Variants in AGAP1 observed in about 807,000 individuals in gnomAD.
AGAP1 encodes ArfGAP with GTPase domain, ankyrin repeat and PH domain 1, also known as arf-GAP with GTPase, ANK repeat and PH domain-containing protein 1.
A neutral mutation model predicts 105.3 loss-of-function variants in AGAP1; 29 were observed. That is an observed-to-expected ratio of 0.28 (90% CI 0.21 to 0.38). The LOEUF (loss-of-function observed/expected upper bound fraction) is 0.38. AGAP1 is among the 10% of genes least tolerant of loss of function. The pLI, the probability that AGAP1 is intolerant of heterozygous loss-of-function variation, is 1.00. For synonymous variants in AGAP1, 509 were observed against 485.9 expected (o/e 1.05, Z -0.63); for missense variants, 998 against 1,165.1 (o/e 0.86, Z 2.09).
At chr2:235,687,913 T>TTA (rs60775568) in intron 1 of AGAP1, among the ~76,000 whole-genome samples, 2,596 of 144,838 alleles carry the variant, frequency 0.018, 79 homozygotes, top group African/African-American at 0.064. Context: ...TTTTTTTTTT[T>TTA]TTTTTTGAGA....
chr2:235,686,653 ATATATATATATATT>A (rs1559351060), intron 1 of AGAP1, among the ~76,000 whole-genome samples: 5 of 59,066 alleles, frequency 8.5e-5, no homozygotes, highest in African/African-American at 5.5e-4. Flanking sequence ...ATAGATATAT[ATATATATATATATT>A]TTTTTTTTTT....
At chr2:235,791,940 A>G (rs1223201132) in intron 6 of AGAP1, among the ~76,000 whole-genome samples, 1 of 152,214 alleles carries the variant, frequency 6.6e-6, no homozygotes, top group African/African-American at 2.4e-5. Context: ...TCAGCTGCAT[A>G]AATTTTGCTT....
intron 6 of AGAP1, among the ~76,000 whole-genome samples, chr2:235,768,759 C>T (rs1412198477): frequency 2.0e-5 from 3 of 152,178 alleles, no homozygotes; most frequent in East Asian, 3.9e-4. Context: ...GCACAGCCGC[C>T]GTGGGATGAA....
At chr2:235,940,799 A>T (rs1002687062) in intron 12 of AGAP1, among the ~76,000 whole-genome samples, 1 of 152,082 alleles carries the variant, frequency 6.6e-6, no homozygotes, top group African/African-American at 2.4e-5. Flanking sequence ...TAACTCCACC[A>T]CAGAGAGGGG....
At chr2:235,755,173 T>A (rs1429094604) in intron 6 of AGAP1, among the ~76,000 whole-genome samples, 1 of 152,202 alleles carries the variant, frequency 6.6e-6, no homozygotes, top group African/African-American at 2.4e-5. Context: ...TGCACAGGGC[T>A]CTCGTTCCTA....
Position 236,125,287 on chromosome 2 carries a change from CTT to C in AGAP1, c.*1166_*1167del, listed in dbSNP as rs1193830397. ...TTTTGTACAGACAAATGGCACCTCT[CTT>C]AATTTATAAATTGAACTGGATGTGA... is the stretch of plus-strand genomic sequence containing the variant. On this transcript the variant is annotated 3_prime_UTR_variant, in exon 18 of 18. Transcript: ENST00000304032. The surrounding 1 kb of genome is among the most constrained non-coding windows in gnomAD (Gnocchi z 5.2). 2.0e-5 allele frequency: 3 copies of C among 152,796 alleles called. No individual in the cohort carries two copies. Among genetic ancestry groups the C allele is most frequent in the South Asian group, 2.1e-4 (1 of 4,822 alleles). The allele number at this position is 152,796 out of a possible 1,614,324, so 9.5% of individuals were successfully genotyped here.
rs952537589 is a variant in AGAP1 at position 235,608,666 on chromosome 2, G to T, written c.164-100513G>T. 6.6e-6 allele frequency among the ~76,000 whole-genome samples: 1 copy of T among 152,178 alleles called. No individual in the cohort carries two copies. The highest frequency in any genetic ancestry group is 2.4e-5 in the African/African-American group (1 of 41,436). Reference sequence around the variant, plus strand: ...ACAGTGGAGCCAAGAGAGGAACGAGGTCTCTGGATTCCGGACGCCCTGCTG... The same window carrying T: ...ACAGTGGAGCCAAGAGAGGAACGAGTTCTCTGGATTCCGGACGCCCTGCTG... On this transcript the variant is annotated intron_variant, in intron 1 of 17. Coordinates refer to ENST00000304032, the MANE Select transcript of AGAP1 (RefSeq NM_001037131.3). This position sits in a 1 kb window ranked among gnomAD's most constrained non-coding sequence, Gnocchi z 5.4.
intron 9 of AGAP1, among the ~76,000 whole-genome samples, chr2:235,854,370 C>G (rs1043861745): frequency 2.6e-5 from 4 of 152,240 alleles, no homozygotes; most frequent in Non-Finnish European, 4.4e-5. Flanking sequence ...CTCTCCTTCC[C>G]TCTTTTTCTC....
chr2:236,062,251 A>C lies in AGAP1; in HGVS notation c.2114+12970A>C, dbSNP rs1194112079. ...CTCTTGGAATCCGCACAGCAAACCA[A>C]TGCCATTCTTTCCTTTTCCTGGGCT... On this transcript the variant is annotated intron_variant, in intron 16 of 17. Transcript: ENST00000304032. The surrounding 1 kb of genome is among the most constrained non-coding windows in gnomAD (Gnocchi z 4.2). Among the ~76,000 whole-genome samples the C allele has an allele frequency of 1.3e-5, 2 of 152,080 alleles. No homozygotes were observed. The highest frequency in any genetic ancestry group is 4.8e-5 in the African/African-American group (2 of 41,418).
intron 1 of AGAP1, among the ~76,000 whole-genome samples, chr2:235,680,474 T>G (rs1015873224): frequency 8.6e-5 from 13 of 152,026 alleles, no homozygotes; most frequent in Non-Finnish European, 1.5e-4. Context: ...ACTTGATGTG[T>G]GTGATCCCCC....
At chr2:235,987,984 GA>G (rs2055393201) in intron 13 of AGAP1, among the ~76,000 whole-genome samples, 1 of 152,148 alleles carries the variant, frequency 6.6e-6, no homozygotes, top group African/African-American at 2.4e-5. Flanking sequence ...AAATCAAACC[GA>G]AAGTATGCAG....
rs1961027119 is a variant in AGAP1 at position 235,842,888 on chromosome 2, C to T, written c.1050+35557C>T. Reference sequence around the variant, plus strand: ...GATTATAGGCATGTGCCACCATGCCCAGCTAATTTTGTATTTTTGGTAGAG... The same window carrying T: ...GATTATAGGCATGTGCCACCATGCCTAGCTAATTTTGTATTTTTGGTAGAG... On this transcript the variant is annotated intron_variant, in intron 9 of 17. Coordinates refer to ENST00000304032, the MANE Select transcript of AGAP1 (RefSeq NM_001037131.3). The surrounding 1 kb of genome is among the most constrained non-coding windows in gnomAD (Gnocchi z 5.3). Among the ~76,000 whole-genome samples, 1 of 152,082 alleles carries T rather than the reference C, an allele frequency of 6.6e-6. No individual in the cohort carries two copies. Among genetic ancestry groups the T allele is most frequent in the South Asian group, 2.1e-4 (1 of 4,826 alleles).
At chr2:236,071,431 G>C (rs1275071930) in intron 16 of AGAP1, among the ~76,000 whole-genome samples, 1 of 152,168 alleles carries the variant, frequency 6.6e-6, no homozygotes, top group East Asian at 1.9e-4. Flanking sequence ...GTGAGGACCT[G>C]GCTTGGGGTG....
In AGAP1 at chr2:235,994,032, G is replaced by A. The variant is rs1273352731; in HGVS notation, c.1645+25409G>A. Among the ~76,000 whole-genome samples, 3 of 152,056 alleles carry A rather than the reference G, an allele frequency of 2.0e-5. No individual in the cohort carries two copies. The highest frequency in any genetic ancestry group is 4.4e-5 in the Non-Finnish European group (3 of 68,016). On this transcript the variant is annotated intron_variant, in intron 13 of 17. Coordinates refer to ENST00000304032, the MANE Select transcript of AGAP1 (RefSeq NM_001037131.3). The surrounding 1 kb of genome is among the most constrained non-coding windows in gnomAD (Gnocchi z 4.4). ...CGATGACCCATAAGCCTGCTCCACA[G>A]GATGGCTGTAGCACAGACACCTTCC...
chr2:235,709,897 C>T (rs537730217), intron 2 of AGAP1, among the ~76,000 whole-genome samples: 5 of 152,058 alleles, frequency 3.3e-5, no homozygotes, highest in East Asian at 3.9e-4. Context: ...GGTTCTTTGT[C>T]GTGAAATATG....
At chr2:235,848,826 T>G (rs1961822470) in intron 9 of AGAP1, among the ~76,000 whole-genome samples, 2 of 152,334 alleles carry the variant, frequency 1.3e-5, no homozygotes, top group South Asian at 4.1e-4. Flanking sequence ...TCATTTGGGC[T>G]CTGAATGCTT....
Position 236,131,586 on chromosome 2 carries a change from C to G in AGAP1, c.*7464C>G, listed in dbSNP as rs1327668307. The G allele has an allele frequency of 6.6e-6, 1 of 151,934 alleles. No homozygotes were observed. The highest frequency in any genetic ancestry group is 6.6e-5 in the Admixed American group (1 of 15,246). The allele number at this position is 151,934 out of a possible 1,614,324, so 9.4% of individuals were successfully genotyped here. A position where few individuals can be genotyped will look rare whatever the true frequency, so the allele number is the denominator to read the frequency against. ...TATATTGTTTGTACTGTAATTAAAACCATTGACAGACATTTCACTTTGCTT... is the reference window on the plus strand; with the variant it reads ...TATATTGTTTGTACTGTAATTAAAAGCATTGACAGACATTTCACTTTGCTT... On this transcript the variant is annotated 3_prime_UTR_variant, in exon 18 of 18. Transcript: ENST00000304032. This position sits in a 1 kb window ranked among gnomAD's most constrained non-coding sequence, Gnocchi z 5.9.
chr2:235,731,057 A>G (rs1951920839), intron 3 of AGAP1, among the ~76,000 whole-genome samples: 1 of 152,180 alleles, frequency 6.6e-6, no homozygotes. Context: ...CTATCAGGAC[A>G]GAGACCTTGT....
intron 16 of AGAP1, among the ~76,000 whole-genome samples, chr2:236,079,382 A>C (rs1036603273): frequency 3.3e-5 from 5 of 151,398 alleles, no homozygotes; most frequent in African/African-American, 4.8e-5. Context: ...AAAAAAAAAA[A>C]AAAAAAACAG....
Sources: gnomAD v4.1 joint callset for allele counts (sites outside exome capture counted in the v4.1 genomes callset) on GRCh38, gnomAD v4.1.1 for gene constraint, Gnocchi (gnomAD v3.1) non-coding constraint, MANE v1.5 for transcripts, NCBI Gene and HGNC (gene_info 2026-07-23, HGNC 2026-07-21) for gene names.